Variants in FBXO8 observed in about 807,000 individuals in gnomAD.
FBXO8 encodes F-box only protein 8.
A neutral mutation model predicts 33.4 loss-of-function variants in FBXO8; 15 were observed. The ratio of observed to expected loss-of-function variants is 0.45; its 90% confidence interval spans 0.30 to 0.69. The LOEUF is 0.69. FBXO8 is among the 30% of genes least tolerant of loss of function. The pLI, the probability that FBXO8 is intolerant of heterozygous loss-of-function variation, is 0.08. For missense variants in FBXO8, 274 were observed against 380.3 expected, an observed-to-expected ratio of 0.72 and a Z score of 2.32; for synonymous variants, 132 against 131.5, an observed-to-expected ratio of 1.00 and a Z score of -0.02.
chr4:174,279,771 T>C (rs997520514), intron 1 of FBXO8, among the ~76,000 whole-genome samples: 1 of 152,068 alleles, frequency 6.6e-6, no homozygotes, highest in Non-Finnish European at 1.5e-5. Context: ...TTTCAACAAA[T>C]GGTGCTGAGA....
At chr4:174,248,389 T>G (rs1420924150) in intron 3 of FBXO8, among the ~76,000 whole-genome samples, 1 of 152,044 alleles carries the variant, frequency 6.6e-6, no homozygotes, top group East Asian at 1.9e-4. Flanking sequence ...TTCCTCTCAC[T>G]GAGGAACCCA....
At chr4:174,246,128 T>A (rs370649054) in intron 3 of FBXO8, among the ~76,000 whole-genome samples, 3 of 151,976 alleles carry the variant, frequency 2.0e-5, no homozygotes, top group Non-Finnish European at 4.4e-5. Context: ...GATAGAATAA[T>A]GTTCCAGAAG....
In FBXO8 at chr4:174,254,630, T is replaced by C. The variant is rs183189625; in HGVS notation, c.456+5069A>G. Reference sequence around the variant, plus strand: ...AATATTGCTTTCAGGTTTATTGCCTTACCCTTACTGTCCAAAGTAATACTT... The same window carrying C: ...AATATTGCTTTCAGGTTTATTGCCTCACCCTTACTGTCCAAAGTAATACTT... On this transcript the variant is annotated intron_variant, in intron 3 of 5. Transcript: ENST00000393674. The surrounding 1 kb of genome is among the most constrained non-coding windows in gnomAD (Gnocchi z 4.2). 6.6e-6 allele frequency among the ~76,000 whole-genome samples: 1 copy of C among 152,310 alleles called. No homozygotes were observed. The highest frequency in any genetic ancestry group is 1.9e-4 in the East Asian group (1 of 5,180).
At chr4:174,271,350 A>C (rs1174849792) in intron 1 of FBXO8, among the ~76,000 whole-genome samples, 1 of 152,178 alleles carries the variant, frequency 6.6e-6, no homozygotes, top group African/African-American at 2.4e-5. Flanking sequence ...GAAGAGAGAA[A>C]TTCAGAGTCA....
rs1478546718 is a variant in FBXO8, at chr4:174,274,731, T to TA, written c.-9+8678dup. 5.9e-5 allele frequency among the ~76,000 whole-genome samples: 9 copies of TA among 152,230 alleles called. No individual in the cohort carries two copies. Among genetic ancestry groups the TA allele is most frequent in the Non-Finnish European group, 1.3e-4 (9 of 68,042 alleles). On this transcript the variant is annotated intron_variant, in intron 1 of 5. Coordinates refer to ENST00000393674, the MANE Select transcript of FBXO8 (RefSeq NM_012180.3). The surrounding 1 kb of genome is among the most constrained non-coding windows in gnomAD (Gnocchi z 4.0). ...ATTTGTTGAATGAATAAACGATTAG[T>TA]AAGCACTGATTTTAAAAAAAATGAA...
intron 3 of FBXO8, among the ~76,000 whole-genome samples, chr4:174,243,601 T>A (rs1736095370): frequency 6.8e-6 from 1 of 146,684 alleles, no homozygotes; most frequent in African/African-American, 2.5e-5. Context: ...TACAAAAAAA[T>A]ACCACAGCAT....
At chr4:174,248,429 G>A (rs951637741) in intron 3 of FBXO8, among the ~76,000 whole-genome samples, 2 of 152,018 alleles carry the variant, frequency 1.3e-5, no homozygotes, top group African/African-American at 4.8e-5. Context: ...AAGGCTCTGT[G>A]TTACACAGAA....
intron 1 of FBXO8, among the ~76,000 whole-genome samples, chr4:174,276,479 G>A (rs180765886): frequency 0.015 from 2,317 of 152,174 alleles, 30 homozygotes; most frequent in Non-Finnish European, 0.023. Context: ...TATGTGATCC[G>A]CCTGCCTCGG....
chr4:174,240,476 G>A (rs1736007600), intron 4 of FBXO8, among the ~76,000 whole-genome samples: 1 of 151,770 alleles, frequency 6.6e-6, no homozygotes, highest in African/African-American at 2.4e-5. Flanking sequence ...AAAAATGGTA[G>A]TTCAGTTATG....
chr4:174,248,083 C>T (rs1441632697), intron 3 of FBXO8, among the ~76,000 whole-genome samples: 3 of 151,988 alleles, frequency 2.0e-5, no homozygotes, highest in Non-Finnish European at 4.4e-5. Flanking sequence ...CAGAAGATTT[C>T]TTAATTAGTA....
At chr4:174,244,726 A>AC (rs1311546655) in intron 3 of FBXO8, among the ~76,000 whole-genome samples, 3 of 151,662 alleles carry the variant, frequency 2.0e-5, no homozygotes, top group Non-Finnish European at 4.4e-5. Flanking sequence ...GTGAAAGGAA[A>AC]CTACTGGCCA....
At chr4:174,239,526 T>C (rs1735978484) in intron 4 of FBXO8, among the ~76,000 whole-genome samples, 1 of 151,880 alleles carries the variant, frequency 6.6e-6, no homozygotes, top group Admixed American at 6.6e-5. Flanking sequence ...CAAATAGCAA[T>C]AGAATTGTTT....
In FBXO8 at chr4:174,247,204, A is replaced by C. The variant is rs1277079633; in HGVS notation, c.457-5986T>G. Among the ~76,000 whole-genome samples, 2 of 152,054 alleles carry C rather than the reference A, an allele frequency of 1.3e-5. No individual in the cohort carries two copies. The highest frequency in any genetic ancestry group is 2.9e-5 in the Non-Finnish European group (2 of 67,958). On this transcript the variant is annotated intron_variant, in intron 3 of 5. Transcript: ENST00000393674. This position sits in a 1 kb window ranked among gnomAD's most constrained non-coding sequence, Gnocchi z 4.6. ...ACTGCCACAGACACCTGGCACACAC[A>C]TTGTGTAACAGTTGGTATCAATAAA...
At position 174,259,837 on chromosome 4, in the gene FBXO8, G is replaced by T. The variant is rs201688502; in HGVS notation, c.330-12C>A. 14 of 1,562,570 alleles carry T rather than the reference G, an allele frequency of 9.0e-6. No homozygotes were observed. In the African/African-American group the frequency reaches 1.8e-4, roughly 20 times the overall value. ...TGGATTTGCACAACCTATAAAATCA[G>T]AGAAAATGAGACAAGAAAACATTAC... On this transcript the variant is annotated splice_polypyrimidine_tract_variant and intron_variant, in intron 2 of 5. Transcript: ENST00000393674. The surrounding 1 kb of genome is among the most constrained non-coding windows in gnomAD (Gnocchi z 4.3).
intron 3 of FBXO8, among the ~76,000 whole-genome samples, chr4:174,244,419 T>C (rs1736113004): frequency 6.6e-6 from 1 of 151,674 alleles, no homozygotes; most frequent in African/African-American, 2.4e-5. Flanking sequence ...TTTGTTGTTG[T>C]TGTTGTTGTT....
intron 3 of FBXO8, among the ~76,000 whole-genome samples, chr4:174,242,564 T>C (rs1053787755): frequency 2.8e-4 from 42 of 151,640 alleles, no homozygotes; most frequent in Non-Finnish European, 4.9e-4. Context: ...TTTAAAAATG[T>C]ACATGAAGAA....
At position 174,239,110 on chromosome 4, in the gene FBXO8, C is replaced by T. The variant is rs754206287; in HGVS notation, c.656G>A (p.Arg219His). 1.4e-5 allele frequency: 22 copies of T among 1,606,104 alleles called. No homozygotes were observed. The highest frequency in any genetic ancestry group is 4.5e-5 in the East Asian group (2 of 44,462). Residue 219 changes from arginine to histidine, a missense_variant, in exon 5 of 6, where the codon CGT (arginine) becomes CAT (histidine). Transcript: ENST00000393674. The stretch of plus-strand genomic sequence containing the variant: ...ACGCTCTTCAGGGGCATGGATATGA[C>T]GAAAAAATTCTCTCAGTGCATTTGG... Reference protein sequence around the residue: ...FLPNALREFFRHIHAPEERGE... With the variant: ...FLPNALREFFHHIHAPEERGE...
chr4:174,240,651 A>G (rs1184960913), intron 4 of FBXO8, among the ~76,000 whole-genome samples: 1 of 151,726 alleles, frequency 6.6e-6, no homozygotes, highest in African/African-American at 2.4e-5. Flanking sequence ...ACATTTCTAT[A>G]TAGTGTCTAC....
intron 4 of FBXO8, 80 bp from the exon 5 acceptor site, chr4:174,239,270 T>C: frequency 9.7e-7 from 1 of 1,026,280 alleles, no homozygotes; most frequent in South Asian, 2.2e-5. Flanking sequence ...AAATTTCCAT[T>C]TTTTGGATAA....
Sources: allele counts gnomAD v4.1 joint callset (sites outside exome capture counted in the v4.1 genomes callset), GRCh38; gene constraint gnomAD v4.1.1; non-coding constraint Gnocchi (gnomAD v3.1); transcripts MANE v1.5; gene names NCBI Gene and HGNC (gene_info 2026-07-23, HGNC 2026-07-21).